AK9: variants seen among roughly 807,000 people sequenced by gnomAD.
The protein encoded by AK9 is adenylate kinase domain containing 1.
AK9 carries 191 observed loss-of-function variants against 239.6 expected under a neutral mutation model. That is an observed-to-expected ratio of 0.80 (90% CI 0.71 to 0.90). AK9 has a LOEUF of 0.90. AK9 is among the 40% of genes least tolerant of loss of function. AK9 has a pLI of 0.00. For missense variants in AK9, 1,995 were observed against 2,214.7 expected, an observed-to-expected ratio of 0.90 and a Z score of 1.99; for synonymous variants, 689 against 721.0, an observed-to-expected ratio of 0.96 and a Z score of 0.71.
chr6:109,626,806 T>C (rs1795575252), intron 12 of AK9, among the ~76,000 whole-genome samples: 2 of 152,188 alleles, frequency 1.3e-5, no homozygotes, highest in African/African-American at 4.8e-5. Flanking sequence ...TTACCATGAA[T>C]GAAACTTGCA....
At chr6:109,664,961 A>G (rs1800978224) in intron 5 of AK9, among the ~76,000 whole-genome samples, 1 of 151,872 alleles carries the variant, frequency 6.6e-6, no homozygotes, top group South Asian at 2.1e-4. Context: ...AATCGCTTGA[A>G]CCCTGGAGGC....
At chr6:109,682,218 G>C (rs1772757012) in intron 1 of AK9, among the ~76,000 whole-genome samples, 1 of 152,138 alleles carries the variant, frequency 6.6e-6, no homozygotes, top group Non-Finnish European at 1.5e-5. Context: ...AAGGTCAGGA[G>C]ATCAAGACCA....
chr6:109,541,944 TA>T, intron 27 of AK9, 102 bp downstream of exon 27: 2 of 1,035,570 alleles, frequency 1.9e-6, no homozygotes, highest in Non-Finnish European at 2.7e-6. Context: ...TACATGAATA[TA>T]AAGGAGAAAG....
chr6:109,612,425 C>T (rs1243547210), intron 15 of AK9, among the ~76,000 whole-genome samples: 1 of 152,136 alleles, frequency 6.6e-6, no homozygotes, highest in Non-Finnish European at 1.5e-5. Context: ...CAGAAGAATG[C>T]CTTCTTACCC....
At chr6:109,679,501 G>C (rs1468279823) in intron 1 of AK9, among the ~76,000 whole-genome samples, 1 of 152,246 alleles carries the variant, frequency 6.6e-6, no homozygotes, top group South Asian at 2.1e-4. Context: ...CAGAGCACCT[G>C]GGGGAAGGGG....
At chr6:109,617,366 TAAAAC>T (rs1171785221) in intron 13 of AK9, among the ~76,000 whole-genome samples, 2 of 152,078 alleles carry the variant, frequency 1.3e-5, no homozygotes, top group Non-Finnish European at 1.5e-5. Context: ...GGAAACAACT[TAAAAC>T]AAAATGTTTT....
chr6:109,600,056 G>C (rs532415134), intron 17 of AK9, among the ~76,000 whole-genome samples: 2 of 152,204 alleles, frequency 1.3e-5, no homozygotes, highest in South Asian at 2.1e-4. Flanking sequence ...TTTCCTAATT[G>C]AATACCCTTT....
At chr6:109,666,089 A>G (rs941910364) in intron 5 of AK9, among the ~76,000 whole-genome samples, 11 of 152,200 alleles carry the variant, frequency 7.2e-5, no homozygotes, top group Admixed American at 5.2e-4. Context: ...TTGAAAGGCC[A>G]TTGTTTGGGC....
At chr6:109,667,913 T>C (rs1801473728) in intron 5 of AK9, among the ~76,000 whole-genome samples, 2 of 152,216 alleles carry the variant, frequency 1.3e-5, no homozygotes, top group African/African-American at 4.8e-5. Context: ...TTTGGCTATA[T>C]ACCCAGTAAT....
In AK9 at chr6:109,593,722, A is replaced by G. The variant is rs1318962495; in HGVS notation, c.1843-7650T>C. Among the ~76,000 whole-genome samples, 3 of 152,330 alleles carry G rather than the reference A, an allele frequency of 2.0e-5. No individual in the cohort carries two copies. In the East Asian group the frequency reaches 5.8e-4, roughly 29 times the overall value. ...AGGCTGGTTCAACAAACACAAATCAATAAACGTAATCCATCACATAAACAG... is the reference window on the plus strand; with the variant it reads ...AGGCTGGTTCAACAAACACAAATCAGTAAACGTAATCCATCACATAAACAG... On this transcript the variant is annotated intron_variant, in intron 17 of 40. Transcript: ENST00000424296.
In AK9 at chr6:109,586,000, T is replaced by C. The variant is rs1468657902; in HGVS notation, c.1915A>G (p.Ile639Val). Residue 639 changes from isoleucine (I) to valine (V), a missense_variant, in exon 18 of 41, where the codon ATT becomes GTT. Ile to Val is a conservative substitution (Grantham distance 29). Around this residue, in one of 5 missense-constraint regions of AK9, gnomAD observed 1,290 missense variants for 1,392.7 expected, o/e 0.93. Transcript: ENST00000424296. ...YGGWIVDNCP[I>V]VKELWMALIK... Reference sequence around the variant, plus strand: ...AAGGCCATCCACAATTCTTTTACAATAGGGCAGTTGTCCACAATCCAGCCT... The same window carrying C: ...AAGGCCATCCACAATTCTTTTACAACAGGGCAGTTGTCCACAATCCAGCCT... The C allele has an allele frequency of 2.6e-6, 4 of 1,551,492 alleles. No homozygotes were observed. The highest frequency in any genetic ancestry group is 2.6e-6 in the Non-Finnish European group (3 of 1,146,896).
intron 3 of AK9, 105 bp from the exon 4 acceptor site, chr6:109,672,272 C>T (rs777281230): frequency 3.0e-6 from 3 of 1,006,372 alleles, no homozygotes; most frequent in South Asian, 2.9e-5. Flanking sequence ...AACATTTGTG[C>T]ATCACTTTAT....
chr6:109,628,255 C>T (rs552258555), intron 12 of AK9, among the ~76,000 whole-genome samples: 4 of 152,268 alleles, frequency 2.6e-5, no homozygotes, highest in African/African-American at 9.6e-5. Context: ...AGGAGCCATC[C>T]TTTGATAAGC....
chr6:109,686,982 C>T (rs914701952), intron 1 of AK9, among the ~76,000 whole-genome samples: 1 of 152,206 alleles, frequency 6.6e-6, no homozygotes, highest in Non-Finnish European at 1.5e-5. Flanking sequence ...TCTCATGCAC[C>T]AATGTCTCTT....
chr6:109,502,822 G>C (rs1050555036), intron 35 of AK9, among the ~76,000 whole-genome samples: 1 of 152,204 alleles, frequency 6.6e-6, no homozygotes, highest in African/African-American at 2.4e-5. Context: ...GACATCACAT[G>C]AGTGAGCATG....
chr6:109,500,983 G>A (rs1777549606), intron 35 of AK9, among the ~76,000 whole-genome samples: 1 of 141,676 alleles, frequency 7.1e-6, no homozygotes, highest in Admixed American at 7.3e-5. Context: ...CTCCAGGCTG[G>A]GCAACAGAGT....
rs1778129676 is a variant in AK9, at chr6:109,506,463, T to C, written c.4713A>G (p.Gln1571=). Residue 1571 remains glutamine (Q), a synonymous_variant, in exon 35 of 41, where the codon CAA becomes CAG. Transcript: ENST00000424296. ...KYRKNIGEIR[Q]YYQEQHQNWY... ...AGTTCTGATGCTGTTCTTGATAATA[T>C]TGCCTAATCTCACCAATATTTTTGC... is the stretch of plus-strand genomic sequence containing the variant. The C allele has an allele frequency of 1.2e-6, 2 of 1,613,772 alleles. No homozygotes were observed. The highest frequency in any genetic ancestry group is 1.7e-6 in the Non-Finnish European group (2 of 1,179,900).
At chr6:109,678,004 A>C (rs781149207) in intron 1 of AK9, among the ~76,000 whole-genome samples, 1 of 152,204 alleles carries the variant, frequency 6.6e-6, no homozygotes, top group Admixed American at 6.5e-5. Context: ...AAATATTTGG[A>C]AGTTTCTTAA....
At chr6:109,577,843 CCTTCCT>C (rs1241851047) in intron 20 of AK9, among the ~76,000 whole-genome samples, 3 of 151,002 alleles carry the variant, frequency 2.0e-5, no homozygotes, top group African/African-American at 7.3e-5. Context: ...TTCCTTCCTT[CCTTCCT>C]CTCTCTTTTT....
Sources: allele counts gnomAD v4.1 joint callset (sites outside exome capture counted in the v4.1 genomes callset), GRCh38; gene constraint gnomAD v4.1.1; regional missense constraint gnomAD v4.1.1; transcripts MANE v1.5; gene names NCBI Gene and HGNC (gene_info 2026-07-23, HGNC 2026-07-21).